Variants in SPATA13 observed in about 807,000 individuals in gnomAD.
SPATA13 encodes the protein spermatogenesis-associated protein 13.
A neutral mutation model predicts 104.0 loss-of-function variants in SPATA13; 50 were observed. The observed-to-expected ratio is 0.48, with a 90% CI of 0.38 to 0.61. The LOEUF is 0.61. Among genes scored for constraint, SPATA13 ranks in the 20% least tolerant of loss-of-function variants. The probability of loss-of-function intolerance (pLI) is 0.00; values close to 1 mark genes in which losing one functional copy is unlikely to be tolerated. For missense variants in SPATA13, 1,524 were observed against 1,690.6 expected, an observed-to-expected ratio of 0.90 and a Z score of 1.73; for synonymous variants, 606 against 667.5, an observed-to-expected ratio of 0.91 and a Z score of 1.42.
At chr13:24,232,988 T>C (rs933479490) in intron 2 of SPATA13, among the ~76,000 whole-genome samples, 6 of 152,250 alleles carry the variant, frequency 3.9e-5, no homozygotes, top group African/African-American at 1.4e-4. Context: ...GGAAGTTTTA[T>C]CATTTTAGCT....
chr13:24,087,937 T>C (rs1482985695), intron 3 of SPATA13, among the ~76,000 whole-genome samples: 7 of 152,168 alleles, frequency 4.6e-5, no homozygotes, highest in Non-Finnish European at 1.0e-4. Context: ...GCCCCTGAGG[T>C]CAGCCAGCCC....
In SPATA13 at chr13:24,113,762, C is replaced by T. The variant is rs1593338172; in HGVS notation, c.-112+96061C>T. Among the ~76,000 whole-genome samples, 5 of 147,574 alleles carry T rather than the reference C, an allele frequency of 3.4e-5. No homozygotes were observed. The East Asian group carries it at 8.1e-4, about 24-fold the overall frequency. The stretch of plus-strand genomic sequence containing the variant: ...GTGCATGCCTATAATCCCACCTACT[C>T]GGGAGGCTGAGGCAGGAGAATCGCT... On this transcript the variant is annotated intron_variant, in intron 3 of 14. Coordinates refer to the SPATA13 transcript ENST00000424834.
chr13:24,044,923 TTGGTCAG>T (rs1374754713), intron 3 of SPATA13, among the ~76,000 whole-genome samples: 1 of 146,510 alleles, frequency 6.8e-6, no homozygotes, highest in Non-Finnish European at 1.5e-5. Context: ...TGAAGAGAGG[TTGGTCAG>T]TGGGTACAAA....
intron 4 of SPATA13, among the ~76,000 whole-genome samples, chr13:24,259,313 G>A (rs750504097): frequency 6.6e-6 from 1 of 152,344 alleles, no homozygotes; most frequent in African/African-American, 2.4e-5. Flanking sequence ...CCACGTGGCC[G>A]CCAAGTGGAG....
At chr13:24,129,158 T>G (rs1230985596) in intron 3 of SPATA13, among the ~76,000 whole-genome samples, 1 of 152,228 alleles carries the variant, frequency 6.6e-6, no homozygotes, top group African/African-American at 2.4e-5. Context: ...CCAGGTGGTG[T>G]GGGCTGAAAA....
At chr13:24,026,550 A>T (rs1472885516) in intron 3 of SPATA13, among the ~76,000 whole-genome samples, 3 of 152,156 alleles carry the variant, frequency 2.0e-5, no homozygotes, top group African/African-American at 7.2e-5. Context: ...GGAATTGGAT[A>T]CAAACTGCTG....
At chr13:23,987,227 G>A (rs1192216824) in intron 2 of SPATA13, among the ~76,000 whole-genome samples, 1 of 152,076 alleles carries the variant, frequency 6.6e-6, no homozygotes, top group African/African-American at 2.4e-5. Flanking sequence ...TTCAGTGGTT[G>A]TGTCTCTATT....
chr13:24,169,611 C>A (rs528043434), intron 1 of SPATA13, among the ~76,000 whole-genome samples: 1 of 152,146 alleles, frequency 6.6e-6, no homozygotes, highest in Admixed American at 6.5e-5. Context: ...CATGTGGCTC[C>A]GGGAGCATCA....
intron 3 of SPATA13, among the ~76,000 whole-genome samples, chr13:24,020,583 A>T (rs2137699389): frequency 6.6e-6 from 1 of 152,326 alleles, no homozygotes; most frequent in Non-Finnish European, 1.5e-5. Flanking sequence ...TATTCAGATA[A>T]TCCATCTATA....
At chr13:24,234,612 A>G (rs769929896) in intron 2 of SPATA13, among the ~76,000 whole-genome samples, 1 of 152,252 alleles carries the variant, frequency 6.6e-6, no homozygotes, top group Non-Finnish European at 1.5e-5. Flanking sequence ...AAGTCACTAT[A>G]TAAATAACAT....
chr13:24,272,000 A>T (rs1221595688), intron 4 of SPATA13, among the ~76,000 whole-genome samples: 1 of 152,238 alleles, frequency 6.6e-6, no homozygotes, highest in African/African-American at 2.4e-5. Flanking sequence ...CGATTTCTAT[A>T]TTGAGAACAC....
Position 24,190,136 on chromosome 13 carries a change from ATAT to A in SPATA13, c.-112+29205_-112+29207del, listed in dbSNP as rs1869559840. On this transcript the variant is annotated intron_variant, in intron 1 of 12. Coordinates refer to ENST00000382108, the MANE Select transcript of SPATA13 (RefSeq NM_001166271.3). Reference sequence around the variant, plus strand: ...ATTATATAACATAATAATATACAATATATATTATTATATAACATATATATAATA... The same window carrying A: ...ATTATATAACATAATAATATACAATAATTATTATATAACATATATATAATA... Among the ~76,000 whole-genome samples the A allele has an allele frequency of 5.5e-5, 2 of 36,102 alleles. 1 individual carries two copies. The highest frequency in any genetic ancestry group is 4.3e-3 in the South Asian group (2 of 462). 23.7% of individuals were successfully genotyped at this position (36,102 alleles called of 152,430 possible).
At chr13:24,268,785 A>G (rs1165073690) in intron 4 of SPATA13, among the ~76,000 whole-genome samples, 1 of 152,200 alleles carries the variant, frequency 6.6e-6, no homozygotes, top group East Asian at 1.9e-4. Flanking sequence ...TCTGTAAGAG[A>G]AAGATTTTCA....
chr13:24,086,564 G>A (rs1253682866), intron 3 of SPATA13, among the ~76,000 whole-genome samples: 1 of 152,208 alleles, frequency 6.6e-6, no homozygotes, highest in Non-Finnish European at 1.5e-5. Flanking sequence ...TAGCCTTGGG[G>A]ACTGGCGAGA....
intron 5 of SPATA13, among the ~76,000 whole-genome samples, chr13:24,285,680 C>CTTTT (rs3067301): frequency 7.7e-6 from 1 of 129,874 alleles, no homozygotes; most frequent in Non-Finnish European, 1.6e-5. Flanking sequence ...CCACATCTGG[C>CTTTT]TTTTTTTTTT....
At position 24,223,781 on chromosome 13, in the gene SPATA13, G is replaced by A. The variant is rs1487590278; in HGVS notation, c.852G>A (p.Arg284=). Reference sequence around the variant, plus strand: ...ACCTCAGGACGGCCCATGACGCACGGGTACCACAGAGGACCCTGAGCAGTT... The same window carrying A: ...ACCTCAGGACGGCCCATGACGCACGAGTACCACAGAGGACCCTGAGCAGTT... The part of the protein sequence containing the change: ...LADLRTAHDA[R]VPQRTLSSSS... The change falls in exon 2 of 13, where the codon CGG becomes CGA. Residue 284 remains arginine, a synonymous_variant. Transcript: ENST00000382108. 6.4e-7 allele frequency: 1 copy of A among 1,551,706 alleles called. No homozygotes were observed. Among genetic ancestry groups the A allele is most frequent in the African/African-American group, 1.4e-5 (1 of 73,058 alleles).
At chr13:24,089,314 C>CA (rs1289526599) in intron 3 of SPATA13, among the ~76,000 whole-genome samples, 1 of 152,150 alleles carries the variant, frequency 6.6e-6, no homozygotes, top group Non-Finnish European at 1.5e-5. Context: ...GGGACCCCCC[C>CA]ACACACCACT....
At position 23,984,412 on chromosome 13, in the gene SPATA13, A is replaced by G. The variant is rs181337914; in HGVS notation, c.-147+479A>G. Among the ~76,000 whole-genome samples, 4 of 152,312 alleles carry G rather than the reference A, an allele frequency of 2.6e-5. No homozygotes were observed. The East Asian group carries it at 7.7e-4, about 29-fold the overall frequency. Reference sequence around the variant, plus strand: ...TATTTTATCCATCATTTGCTGAAAGAATTATATGAGGTTGCTTCTTGGCTC... The same window carrying G: ...TATTTTATCCATCATTTGCTGAAAGGATTATATGAGGTTGCTTCTTGGCTC... On this transcript the variant is annotated intron_variant, in intron 2 of 14. Coordinates refer to the SPATA13 transcript ENST00000424834.
intron 1 of SPATA13, among the ~76,000 whole-genome samples, chr13:24,192,353 G>A (rs1276680565): frequency 6.6e-6 from 1 of 151,908 alleles, no homozygotes; most frequent in Admixed American, 6.6e-5. Context: ...CTTGTGTTTT[G>A]AGGTGTTCGT....
Sources: allele counts gnomAD v4.1 joint callset (sites outside exome capture counted in the v4.1 genomes callset), GRCh38; gene constraint gnomAD v4.1.1; transcripts MANE v1.5; gene names NCBI Gene and HGNC (gene_info 2026-07-23, HGNC 2026-07-21).